SGMS2: variants seen among roughly 807,000 people sequenced by gnomAD.
SGMS2 encodes phosphatidylcholine:ceramide cholinephosphotransferase 2.
Under a neutral mutation model 43.8 loss-of-function variants are expected in SGMS2, and 21 were observed. The observed-to-expected ratio is 0.48, with a 90% CI of 0.34 to 0.69. The LOEUF (loss-of-function observed/expected upper bound fraction) is 0.69, where lower values mean the gene tolerates loss of function less well. Ranked by LOEUF, SGMS2 falls within the 30% of genes least tolerant of loss-of-function variation. The probability of loss-of-function intolerance (pLI) is 0.01; values close to 1 mark genes in which losing one functional copy is unlikely to be tolerated. For missense variants in SGMS2, 384 were observed against 443.2 expected (o/e 0.87, Z 1.20); for synonymous variants, 167 against 160.6 (o/e 1.04, Z -0.30).
chr4:107,881,240 A>C (rs188275624), intron 2 of SGMS2, among the ~76,000 whole-genome samples: 1 of 152,202 alleles, frequency 6.6e-6, no homozygotes, highest in African/African-American at 2.4e-5. Flanking sequence ...AATCTAAAAT[A>C]AAAGTTGAAA....
rs1732110185 is a variant in SGMS2, at chr4:107,911,410, CGTGT to C, written c.*862_*865del. On this transcript the variant is annotated 3_prime_UTR_variant, in exon 7 of 7. Transcript: ENST00000690982. ...ACTCTTCTAGCACAGGCTGAAAACA[CGTGT>C]GTGTCAACTGAGGTTCACACCACTT... The C allele has an allele frequency of 6.6e-6, 1 of 152,220 alleles. No individual in the cohort carries two copies. Among genetic ancestry groups the C allele is most frequent in the Non-Finnish European group, 1.5e-5 (1 of 68,032 alleles). 9.4% of individuals were successfully genotyped at this position (152,220 alleles called of 1,614,324 possible).
intron 2 of SGMS2, among the ~76,000 whole-genome samples, chr4:107,882,638 A>AT (rs1729452491): frequency 6.6e-6 from 1 of 152,186 alleles, no homozygotes; most frequent in African/African-American, 2.4e-5. Context: ...TAATTAGATA[A>AT]TACAGAAGCA....
At chr4:107,836,435 C>T (rs1377643484) in intron 1 of SGMS2, among the ~76,000 whole-genome samples, 1 of 152,210 alleles carries the variant, frequency 6.6e-6, no homozygotes, top group Non-Finnish European at 1.5e-5. Context: ...TGAAGCTTCT[C>T]TCTGAGGTTG....
At chr4:107,899,155 G>A (rs1271235176) in intron 3 of SGMS2, among the ~76,000 whole-genome samples, 1 of 152,144 alleles carries the variant, frequency 6.6e-6, no homozygotes, top group East Asian at 1.9e-4. Flanking sequence ...CTCTGTTACT[G>A]TGGCTTGCTT....
At chr4:107,858,655 G>A (rs1170926569) in intron 2 of SGMS2, 102 bp downstream of exon 2, 1 of 150,032 alleles carries the variant, frequency 6.7e-6, no homozygotes. Context: ...CTGTCTATCA[G>A]TTGTCCTGCA....
rs188793883 is a variant in SGMS2, at chr4:107,861,096, C to A, written c.-245+2543C>A. Among the ~76,000 whole-genome samples the A allele has an allele frequency of 3.9e-3, 590 of 152,292 alleles. 9 individuals carry two copies. Among genetic ancestry groups the A allele is most frequent in the Non-Finnish European group, 1.5e-3 (99 of 68,030 alleles). On this transcript the variant is annotated intron_variant, in intron 2 of 6. Coordinates refer to ENST00000690982, the MANE Select transcript of SGMS2 (RefSeq NM_001375905.1). ...CTGGCCATAACAGACATTCACATATCTAATGAAGTTTAAATACATTTTCGA... is the reference window on the plus strand; with the variant it reads ...CTGGCCATAACAGACATTCACATATATAATGAAGTTTAAATACATTTTCGA...
intron 1 of SGMS2, among the ~76,000 whole-genome samples, chr4:107,854,815 A>G (rs1232595673): frequency 1.3e-5 from 2 of 152,292 alleles, no homozygotes; most frequent in Admixed American, 1.3e-4. Context: ...GAAACAGTGA[A>G]AAACTATCAA....
Position 107,908,587 on chromosome 4 carries a change from G to T in SGMS2, c.750G>T (p.Trp250Cys). The T allele has an allele frequency of 1.9e-6, 3 of 1,613,760 alleles. No individual in the cohort carries two copies. The highest frequency in any genetic ancestry group is 1.1e-5 in the South Asian group (1 of 91,028). ...CAGATTCGCCTCGTCACTTCTGGTG[G>T]TATCATTTAATCTGCTGGCTGCTGA... ...IKEYSPRHFW[W>C]YHLICWLLSA... Residue 250 changes from tryptophan to cysteine, a missense_variant, in exon 6 of 7, where the codon TGG becomes TGT. Trp to Cys is a radical substitution (Grantham distance 215). Coordinates refer to ENST00000690982, the MANE Select transcript of SGMS2 (RefSeq NM_001375905.1).
At chr4:107,836,864 A>C (rs1292022304) in intron 1 of SGMS2, among the ~76,000 whole-genome samples, 1 of 152,178 alleles carries the variant, frequency 6.6e-6, no homozygotes, top group East Asian at 1.9e-4. Context: ...GAGGATGGGC[A>C]GGGGAGGGAA....
chr4:107,856,345 T>A (rs1316663012), intron 1 of SGMS2, among the ~76,000 whole-genome samples: 3 of 152,200 alleles, frequency 2.0e-5, no homozygotes, highest in African/African-American at 7.2e-5. Context: ...CTTGAATTTG[T>A]TTTGCATTTC....
chr4:107,890,275 A>G (rs1730091966), intron 2 of SGMS2, among the ~76,000 whole-genome samples: 2 of 152,150 alleles, frequency 1.3e-5, no homozygotes, highest in South Asian at 4.1e-4. Context: ...ACCCCAGGCT[A>G]TTATAAACTA....
chr4:107,831,462 T>C (rs1459930769), intron 1 of SGMS2, among the ~76,000 whole-genome samples: 1 of 152,146 alleles, frequency 6.6e-6, no homozygotes, highest in African/African-American at 2.4e-5. Context: ...TAAAATAATA[T>C]TTACCCCATA....
At position 107,908,859 on chromosome 4, in the gene SGMS2, A is replaced by G. The variant is rs532867291; in HGVS notation, c.894+128A>G. ...GCCACATTCACTTAAACATATATCCATTACTGCTTTTTAAAATAAAGCAAA... is the reference window on the plus strand; with the variant it reads ...GCCACATTCACTTAAACATATATCCGTTACTGCTTTTTAAAATAAAGCAAA... On this transcript the variant is annotated intron_variant, in intron 6 of 6. Transcript: ENST00000690982. 174 of 716,448 alleles carry G rather than the reference A, an allele frequency of 2.4e-4. No individual in the cohort carries two copies. The African/African-American group carries it at 2.6e-3, about 11-fold the overall frequency. 44.4% of individuals were successfully genotyped at this position (716,448 alleles called of 1,614,324 possible). A position where few individuals can be genotyped will look rare whatever the true frequency, so the allele number is the denominator to read the frequency against.
chr4:107,860,593 C>T (rs1420017627), intron 2 of SGMS2, among the ~76,000 whole-genome samples: 1 of 150,598 alleles, frequency 6.6e-6, no homozygotes, highest in Non-Finnish European at 1.5e-5. Context: ...GCGATCTCGG[C>T]GGCTCACTGC....
At chr4:107,847,028 A>G (rs1407591761) in intron 1 of SGMS2, among the ~76,000 whole-genome samples, 2 of 151,948 alleles carry the variant, frequency 1.3e-5, no homozygotes, top group Non-Finnish European at 1.5e-5. Context: ...TTGTCAGATG[A>G]GTAGATTGCG....
At chr4:107,902,170 A>G (rs1433679135) in intron 4 of SGMS2, among the ~76,000 whole-genome samples, 1 of 150,360 alleles carries the variant, frequency 6.7e-6, no homozygotes, top group Non-Finnish European at 1.5e-5. Context: ...TACCTTCTTA[A>G]TGGAAGAAAC....
At chr4:107,897,595 C>T (rs767963507) in intron 3 of SGMS2, among the ~76,000 whole-genome samples, 76 of 152,252 alleles carry the variant, frequency 5.0e-4, no homozygotes, top group Admixed American at 2.6e-4. Context: ...GTATTTTCAT[C>T]TAGATCCTTT....
At chr4:107,845,446 C>G (rs1726755725) in intron 1 of SGMS2, among the ~76,000 whole-genome samples, 1 of 152,122 alleles carries the variant, frequency 6.6e-6, no homozygotes, top group Admixed American at 6.6e-5. Flanking sequence ...GGTTTGTACC[C>G]CAACATTCTC....
chr4:107,832,285 G>A (rs1189518271), intron 1 of SGMS2, among the ~76,000 whole-genome samples: 1 of 152,132 alleles, frequency 6.6e-6, no homozygotes, highest in Non-Finnish European at 1.5e-5. Flanking sequence ...AATTAGCTAG[G>A]GCTGAGAAGT....
Sources: gnomAD v4.1 joint callset for allele counts (sites outside exome capture counted in the v4.1 genomes callset) on GRCh38, gnomAD v4.1.1 for gene constraint, MANE v1.5 for transcripts, NCBI Gene and HGNC (gene_info 2026-07-23, HGNC 2026-07-21) for gene names.